Variants in SUSD4 observed in about 807,000 individuals in gnomAD.
SUSD4 encodes the protein sushi domain containing 4.
SUSD4 carries 41 observed loss-of-function variants against 50.5 expected under a neutral mutation model. The ratio of observed to expected loss-of-function variants is 0.81; its 90% CI spans 0.63 to 1.05. The LOEUF (loss-of-function observed/expected upper bound fraction) is 1.05. SUSD4 is among the 50% of genes least tolerant of loss of function. SUSD4 has a pLI of 0.00. For synonymous variants in SUSD4, 257 were observed against 257.3 expected, an observed-to-expected ratio of 1.00 and a Z score of 0.01; for missense variants, 580 against 634.7, an observed-to-expected ratio of 0.91 and a Z score of 0.93.
chr1:223,337,411 CTG>C (rs1053704587), intron 2 of SUSD4, among the ~76,000 whole-genome samples: 4 of 152,210 alleles, frequency 2.6e-5, no homozygotes, highest in African/African-American at 9.6e-5. Flanking sequence ...TACCCACAGA[CTG>C]TGTTGAGTGG....
chr1:223,284,024 T>C (rs1322894563), intron 3 of SUSD4, among the ~76,000 whole-genome samples: 1 of 145,040 alleles, frequency 6.9e-6, no homozygotes, highest in Admixed American at 7.6e-5. Context: ...AGGTGGGAAC[T>C]GAACAATGAG....
intron 2 of SUSD4, among the ~76,000 whole-genome samples, chr1:223,298,177 T>C (rs1664957858): frequency 6.6e-6 from 1 of 151,806 alleles, no homozygotes; most frequent in South Asian, 2.1e-4. Flanking sequence ...GATAAACAGA[T>C]AGATGAATGG....
chr1:223,235,206 T>C (rs2103011109), intron 5 of SUSD4: 2 of 1,250,156 alleles, frequency 1.6e-6, no homozygotes, highest in East Asian at 2.6e-5. Flanking sequence ...AGACTTTATT[T>C]TTAAGAGCAG....
At chr1:223,251,401 T>C (rs1661296766) in intron 5 of SUSD4, among the ~76,000 whole-genome samples, 1 of 152,112 alleles carries the variant, frequency 6.6e-6, no homozygotes, top group East Asian at 1.9e-4. Context: ...AACTCACTCA[T>C]CACCAAGGGG....
chr1:223,259,094 C>T (rs1661912086), intron 5 of SUSD4, among the ~76,000 whole-genome samples: 1 of 152,152 alleles, frequency 6.6e-6, no homozygotes, highest in Admixed American at 6.5e-5. Context: ...ATGTGAGCCC[C>T]AGGGGGACAG....
chr1:223,269,676 G>C (rs1336407679), intron 3 of SUSD4, among the ~76,000 whole-genome samples: 1 of 152,192 alleles, frequency 6.6e-6, no homozygotes, highest in African/African-American at 2.4e-5. Context: ...GATGGGTTAT[G>C]TTCCAAATTT....
chr1:223,362,955 G>A (rs1047723897), intron 2 of SUSD4, among the ~76,000 whole-genome samples: 2 of 52,138 alleles, frequency 3.8e-5, no homozygotes, highest in Admixed American at 1.8e-4. Flanking sequence ...TCCCCCCCCC[G>A]CCCCCGCTTC....
chr1:223,290,280 G>C (rs2103141979), intron 3 of SUSD4, among the ~76,000 whole-genome samples: 1 of 152,280 alleles, frequency 6.6e-6, no homozygotes, highest in African/African-American at 2.4e-5. Flanking sequence ...TCACTGCTAT[G>C]TGACATCGGT....
chr1:223,270,256 G>A (rs778677541), intron 3 of SUSD4, among the ~76,000 whole-genome samples: 8 of 152,114 alleles, frequency 5.3e-5, no homozygotes, highest in East Asian at 3.9e-4. Context: ...TGTCATCACC[G>A]TTAGCTTGAG....
At chr1:223,246,069 A>G (rs1021079935) in intron 5 of SUSD4, among the ~76,000 whole-genome samples, 1 of 152,134 alleles carries the variant, frequency 6.6e-6, no homozygotes, top group African/African-American at 2.4e-5. Flanking sequence ...CATAGAAATA[A>G]TCTTTACAGC....
Position 223,229,302 on chromosome 1 carries a change from C to T in SUSD4, c.811G>A (p.Glu271Lys). 1 of 1,613,254 alleles carries T rather than the reference C, an allele frequency of 6.2e-7. No individual in the cohort carries two copies. The highest frequency in any genetic ancestry group is 1.1e-5 in the South Asian group (1 of 91,050). The change falls in exon 6 of 9, where the codon GAG becomes AAG. Residue 271 changes from glutamate (E) to lysine (K), a missense_variant. By Grantham distance (56) the Glu-to-Lys change is moderately conservative. Coordinates refer to ENST00000366878, the MANE Select transcript of SUSD4 (RefSeq NM_017982.4). This position sits in a 1 kb window ranked among gnomAD's most constrained non-coding sequence, Gnocchi z 4.7. Reference protein sequence around the residue: ...CERYNHGTVVEFYCDPGYSLT... With the variant: ...CERYNHGTVVKFYCDPGYSLT... ...CTGTAGCCAGGATCGCAGTAAAACT[C>T]CACCACAGTTCCGTGGTTGTAGCGC... is the stretch of plus-strand genomic sequence containing the variant.
chr1:223,250,060 T>C (rs892634359), intron 5 of SUSD4, among the ~76,000 whole-genome samples: 2 of 152,200 alleles, frequency 1.3e-5, no homozygotes, highest in East Asian at 3.9e-4. Context: ...CTTTCCTGGG[T>C]TCACATCCTG....
chr1:223,363,594 GC>G (rs1669135562), intron 1 of SUSD4, 134 bp from the exon 2 acceptor site: 3 of 1,084,436 alleles, frequency 2.8e-6, no homozygotes, highest in Non-Finnish European at 3.8e-6. Context: ...CGCGGCCCCC[GC>G]CCCCTTTCCC....
At chr1:223,284,484 TAAA>T (rs1392726687) in intron 3 of SUSD4, among the ~76,000 whole-genome samples, 1 of 152,208 alleles carries the variant, frequency 6.6e-6, no homozygotes, top group Non-Finnish European at 1.5e-5. Context: ...TTCTCATCTG[TAAA>T]ATAAGGCTGT....
chr1:223,254,397 A>G (rs1418380962), intron 5 of SUSD4, among the ~76,000 whole-genome samples: 3 of 152,110 alleles, frequency 2.0e-5, no homozygotes, highest in Non-Finnish European at 4.4e-5. Context: ...AGAGACAGAT[A>G]ATTATAGGAG....
chr1:223,225,561 C>G (rs1659462889), intron 7 of SUSD4, among the ~76,000 whole-genome samples: 1 of 150,454 alleles, frequency 6.6e-6, no homozygotes, highest in Non-Finnish European at 1.5e-5. Context: ...TCCACAGCCA[C>G]CAGTAGTTAC....
At chr1:223,265,805 A>G (rs1402397993) in intron 4 of SUSD4, among the ~76,000 whole-genome samples, 1 of 152,228 alleles carries the variant, frequency 6.6e-6, no homozygotes, top group East Asian at 1.9e-4. Flanking sequence ...GGAGAGAATA[A>G]TGACACTGCA....
chr1:223,229,376 G>A lies in SUSD4; in HGVS notation c.737C>T (p.Pro246Leu), dbSNP rs1489319438. 6.3e-7 allele frequency: 1 copy of A among 1,595,686 alleles called. No homozygotes were observed. Among genetic ancestry groups the A allele is most frequent in the Non-Finnish European group, 8.6e-7 (1 of 1,165,412 alleles). Residue 246 changes from proline (P) to leucine (L), a missense_variant, in exon 6 of 9, where the codon CCT becomes CTT. Coordinates refer to ENST00000366878, the MANE Select transcript of SUSD4 (RefSeq NM_017982.4). This position sits in a 1 kb window ranked among gnomAD's most constrained non-coding sequence, Gnocchi z 4.7. The stretch of plus-strand genomic sequence containing the variant: ...GAAATCTCCGTGACTCACCATTGGA[G>A]GTAGTGGACAGACTTGGGCAGTAGG... ...RCLALEVCPLPPMVSHGDFVC... is the reference protein window; with the variant it reads ...RCLALEVCPLLPMVSHGDFVC...
At chr1:223,339,712 C>T (rs1161110946) in intron 2 of SUSD4, among the ~76,000 whole-genome samples, 7 of 152,188 alleles carry the variant, frequency 4.6e-5, no homozygotes, top group Non-Finnish European at 8.8e-5. Flanking sequence ...GCCGAGGAAT[C>T]GTCTTTGCAG....
Sources: gnomAD v4.1 joint callset for allele counts (sites outside exome capture counted in the v4.1 genomes callset) on GRCh38, gnomAD v4.1.1 for gene constraint, Gnocchi (gnomAD v3.1) non-coding constraint, MANE v1.5 for transcripts, NCBI Gene and HGNC (gene_info 2026-07-23, HGNC 2026-07-21) for gene names.